The following COL11A2 variants were observed in gnomAD, a reference collection of about 807,000 sequenced individuals.
COL11A2 encodes collagen type XI alpha 2 chain.
In COL11A2, 116 loss-of-function variants were observed where a neutral mutation model predicts 273.4. The ratio of observed to expected loss-of-function variants is 0.42; its 90% CI spans 0.36 to 0.49. The LOEUF is 0.49. COL11A2 is among the 20% of genes least tolerant of loss of function. The pLI, the probability that COL11A2 is intolerant of heterozygous loss-of-function variation, is 0.00. For missense variants in COL11A2, 1,866 were observed against 2,309.0 expected, an observed-to-expected ratio of 0.81 and a Z score of 3.93; for synonymous variants, 782 against 864.2, an observed-to-expected ratio of 0.90 and a Z score of 1.67.
chr6:33,181,058 C>T (rs1474927256), intron 9 of COL11A2, 53 bp from the exon 10 acceptor site: 1 of 1,613,986 alleles, frequency 6.2e-7, no homozygotes, highest in African/African-American at 1.3e-5. Flanking sequence ...ACACTCAACC[C>T]CACTTGCTTC....
chr6:33,168,521 G>A lies in COL11A2; in HGVS notation c.3958C>T (p.Arg1320Ter), dbSNP rs1206475365. The A allele has an allele frequency of 1.2e-6, 2 of 1,613,340 alleles. No homozygotes were observed. Among genetic ancestry groups the A allele is most frequent in the Non-Finnish European group, 1.7e-6 (2 of 1,179,900 alleles). The change falls in exon 54 of 66, where the codon CGA becomes TGA. Residue 1320 changes from arginine to a stop codon, truncating the protein, a stop_gained and splice_region_variant. Transcript: ENST00000341947. LOFTEE classifies it high-confidence loss of function. ...TCTCAGGGGTCCACCTCACTTACTC[G>A]CTTTCCAAGTGGCCCTGGGGGTCCA... ...ENGPPGPLGK[R>*]GPAGSPGSEG...
Position 33,170,382 on chromosome 6 carries a change from G to T in COL11A2, c.3529-3C>A, listed in dbSNP as rs753183777. 6.2e-7 allele frequency: 1 copy of T among 1,612,918 alleles called. No individual in the cohort carries two copies. The highest frequency in any genetic ancestry group is 1.1e-5 in the South Asian group (1 of 91,026). ...GGTCCTGGGGGGCCAGGTGGTCCCT[G>T]GGGGAAACAGATACACCACAGATGA... is the stretch of plus-strand genomic sequence containing the variant. On this transcript the variant is annotated splice_polypyrimidine_tract_variant and splice_region_variant and intron_variant, in intron 47 of 65. Coordinates refer to ENST00000341947, the MANE Select transcript of COL11A2 (RefSeq NM_080680.3). This position sits in a 1 kb window ranked among gnomAD's most constrained non-coding sequence, Gnocchi z 4.3.
rs756376471 is a variant in COL11A2 at position 33,167,388 on chromosome 6, C to T, written c.4122+38G>A. 3 of 1,612,456 alleles carry T rather than the reference C, an allele frequency of 1.9e-6. No individual in the cohort carries two copies. Among genetic ancestry groups the T allele is most frequent in the Non-Finnish European group, 2.5e-6 (3 of 1,179,658 alleles). ...ACTGCACCCCTCCCATGGCCCCTCACTCCCACCCCAGCCCAGCCCTTCCCT... is the reference window on the plus strand; with the variant it reads ...ACTGCACCCCTCCCATGGCCCCTCATTCCCACCCCAGCCCAGCCCTTCCCT... On this transcript the variant is annotated intron_variant, in intron 56 of 65. Coordinates refer to ENST00000341947, the MANE Select transcript of COL11A2 (RefSeq NM_080680.3). This position sits in a 1 kb window ranked among gnomAD's most constrained non-coding sequence, Gnocchi z 6.1.
At chr6:33,168,349 G>A (rs1475073508) in intron 54 of COL11A2, among the ~76,000 whole-genome samples, 170 bp downstream of exon 54, 1 of 149,790 alleles carries the variant, frequency 6.7e-6, no homozygotes, top group African/African-American at 2.5e-5. Context: ...ACCCTGCCCC[G>A]GGCAATGAGA....
Position 33,181,149 on chromosome 6 carries a change from G to C in COL11A2, c.1141C>G (p.Leu381Val), listed in dbSNP as rs1365042894. 1.2e-6 allele frequency: 2 copies of C among 1,614,138 alleles called. No homozygotes were observed. The highest frequency in any genetic ancestry group is 4.5e-5 in the East Asian group (2 of 44,874). ...GCAGGCTCTCCTTTCTCTCCCTTCA[G>C]CCCTCGGGGTCCATGGGCAGCCTGA... Reference protein sequence around the residue: ...SGAAAHGPRGLKGEKGEPAVL... With the variant: ...SGAAAHGPRGVKGEKGEPAVL... Residue 381 changes from leucine (L) to valine (V), a missense_variant, in exon 9 of 66, where the codon CTG becomes GTG. Transcript: ENST00000341947.
At chr6:33,181,350 G>A (rs1205422791) in intron 8 of COL11A2, among the ~76,000 whole-genome samples, 180 bp from the exon 9 acceptor site, 1 of 144,372 alleles carries the variant, frequency 6.9e-6, no homozygotes, top group Non-Finnish European at 1.5e-5. Flanking sequence ...AGCCTGCCAA[G>A]GAGACCTCAG....
Position 33,170,364 on chromosome 6 carries a change from G to C in COL11A2, c.3544C>G (p.Pro1182Ala). The C allele has an allele frequency of 6.2e-6, 10 of 1,613,900 alleles. No individual in the cohort carries two copies. Among genetic ancestry groups the C allele is most frequent in the Non-Finnish European group, 8.5e-6 (10 of 1,179,932 alleles). Residue 1182 changes from proline (P) to alanine (A), a missense_variant, in exon 48 of 66, where the codon CCA becomes GCA. By Grantham distance (27) the Pro-to-Ala change is conservative. Coordinates refer to ENST00000341947, the MANE Select transcript of COL11A2 (RefSeq NM_080680.3). The surrounding 1 kb of genome is among the most constrained non-coding windows in gnomAD (Gnocchi z 4.3). Reference sequence around the variant, plus strand: ...GGTCCAGCTGGACCTCGAGGTCCTGGGGGGCCAGGTGGTCCCTGGGGGAAA... The same window carrying C: ...GGTCCAGCTGGACCTCGAGGTCCTGCGGGGCCAGGTGGTCCCTGGGGGAAA... ...DVGPMGPPGPPGPRGPAGPNG... is the reference protein window; with the variant it reads ...DVGPMGPPGPAGPRGPAGPNG...
chr6:33,179,801 C>A lies in COL11A2; in HGVS notation c.1364G>T (p.Arg455Leu), dbSNP rs781138300. Residue 455 changes from arginine to leucine, a missense_variant, in exon 13 of 66, where the codon CGG (arginine) becomes CTG (leucine). By Grantham distance (102) the Arg-to-Leu change is moderately radical. Coordinates refer to ENST00000341947, the MANE Select transcript of COL11A2 (RefSeq NM_080680.3). The surrounding 1 kb of genome is among the most constrained non-coding windows in gnomAD (Gnocchi z 6.4). ...PPGTSLMLPFRFGSGGGDKGP... is the reference protein window; with the variant it reads ...PPGTSLMLPFLFGSGGGDKGP... The stretch of plus-strand genomic sequence containing the variant: ...CTTGTCACCCCCACCACTGCCAAAC[C>A]GGAACTGAGGTCAAGGAGAGAAGGT... 3 of 1,611,184 alleles carry A rather than the reference C, an allele frequency of 1.9e-6. No individual in the cohort carries two copies. Among genetic ancestry groups the A allele is most frequent in the Admixed American group, 1.7e-5 (1 of 60,024 alleles).
Position 33,172,613 on chromosome 6 carries a change from T to C in COL11A2, c.2815A>G (p.Met939Val), listed in dbSNP as rs759148129. 1 of 1,612,444 alleles carries C rather than the reference T, an allele frequency of 6.2e-7. No homozygotes were observed. The highest frequency in any genetic ancestry group is 1.7e-5 in the Admixed American group (1 of 60,004). ...PQGAAGETGP[M>V]GERGHPGPPG... ...GGGCCTGGGTGACCTCTCTCCCCCATAGGGCCGGTTTCTCCTGCTGCTCCC... is the reference window on the plus strand; with the variant it reads ...GGGCCTGGGTGACCTCTCTCCCCCACAGGGCCGGTTTCTCCTGCTGCTCCC... Residue 939 changes from methionine (M) to valine (V), a missense_variant, in exon 39 of 66, where the codon ATG becomes GTG. By Grantham distance (21) the Met-to-Val change is conservative. Coordinates refer to ENST00000341947, the MANE Select transcript of COL11A2 (RefSeq NM_080680.3).
Position 33,163,571 on chromosome 6 carries a change from GGGC to G in COL11A2, c.*104_*106del. 1 of 1,574,956 alleles carries G rather than the reference GGGC, an allele frequency of 6.3e-7. No homozygotes were observed. Among genetic ancestry groups the G allele is most frequent in the Non-Finnish European group, 8.7e-7 (1 of 1,146,600 alleles). ...TGAGGGCTCTCCACGCCCTGGCCCA[GGGC>G]TCCCTAGATAGTGAGGAGCCCTCTT... On this transcript the variant is annotated 3_prime_UTR_variant, in exon 66 of 66. Coordinates refer to ENST00000341947, the MANE Select transcript of COL11A2 (RefSeq NM_080680.3). The surrounding 1 kb of genome is among the most constrained non-coding windows in gnomAD (Gnocchi z 4.1).
rs372479558 is a variant in COL11A2 at position 33,190,447 on chromosome 6, GA to G, written c.83-979del. On this transcript the variant is annotated intron_variant, in intron 1 of 65. Transcript: ENST00000341947. This position sits in a 1 kb window ranked among gnomAD's most constrained non-coding sequence, Gnocchi z 4.5. ...AGCTTCCTAGGGCTCAAACTCCCTG[GA>G]AAACAAAAGATCACCTTGCCCTCAC... Among the ~76,000 whole-genome samples the G allele has an allele frequency of 9.9e-5, 15 of 152,178 alleles. No homozygotes were observed. The East Asian group carries it at 2.7e-3, about 27-fold the overall frequency.
rs535280934 is a variant in COL11A2 at position 33,190,777 on chromosome 6, C to T, written c.83-1308G>A. On this transcript the variant is annotated intron_variant, in intron 1 of 65. Coordinates refer to ENST00000341947, the MANE Select transcript of COL11A2 (RefSeq NM_080680.3). This position sits in a 1 kb window ranked among gnomAD's most constrained non-coding sequence, Gnocchi z 4.5. ...TTTGAGAGACGAAGGGTGAGTGAGA[C>T]AGAGACACAGAGACTCACAGAGACC... 6.6e-6 allele frequency among the ~76,000 whole-genome samples: 1 copy of T among 152,110 alleles called. No homozygotes were observed. The highest frequency in any genetic ancestry group is 1.5e-5 in the Non-Finnish European group (1 of 68,014).
rs541037034 is a variant in COL11A2, at chr6:33,169,117, C to T, written c.3799-109G>A. ...TCTCTAGAGGCAGTGCCCACCAGTA[C>T]CCCCCAGGAAGAGGTCTCCTGCACC... On this transcript the variant is annotated intron_variant, in intron 51 of 65. Coordinates refer to ENST00000341947, the MANE Select transcript of COL11A2 (RefSeq NM_080680.3). The surrounding 1 kb of genome is among the most constrained non-coding windows in gnomAD (Gnocchi z 5.5). The T allele has an allele frequency of 5.1e-5, 56 of 1,102,070 alleles. No individual in the cohort carries two copies. Among genetic ancestry groups the T allele is most frequent in the Non-Finnish European group, 4.2e-5 (32 of 761,206 alleles). 68.3% of individuals were successfully genotyped at this position (1,102,070 alleles called of 1,614,324 possible).
chr6:33,177,386 G>A lies in COL11A2; in HGVS notation c.1971+26C>T. On this transcript the variant is annotated intron_variant, in intron 23 of 65. Transcript: ENST00000341947. The surrounding 1 kb of genome is among the most constrained non-coding windows in gnomAD (Gnocchi z 5.9). Reference sequence around the variant, plus strand: ...AGCCCAAGGGAAGTCATGAAAATTGGGGAACGGAGTAGGGGCACCGCTCAC... The same window carrying A: ...AGCCCAAGGGAAGTCATGAAAATTGAGGAACGGAGTAGGGGCACCGCTCAC... The A allele has an allele frequency of 6.2e-7, 1 of 1,612,552 alleles. No homozygotes were observed. Among genetic ancestry groups the A allele is most frequent in the Non-Finnish European group, 8.5e-7 (1 of 1,179,732 alleles).
chr6:33,166,461 G>T lies in COL11A2; in HGVS notation c.4392+52C>A. The stretch of plus-strand genomic sequence containing the variant: ...TGGAAGTCGTTGGGAGGCTGTGGGT[G>T]GGCAGCAGAGGGGTTTAGGGGATTT... On this transcript the variant is annotated intron_variant, in intron 60 of 65. Transcript: ENST00000341947. This position sits in a 1 kb window ranked among gnomAD's most constrained non-coding sequence, Gnocchi z 4.8. 1.9e-6 allele frequency: 3 copies of T among 1,581,992 alleles called. No individual in the cohort carries two copies. The highest frequency in any genetic ancestry group is 1.3e-5 in the African/African-American group (1 of 74,430).
rs1415102799 is a variant in COL11A2 at position 33,164,119 on chromosome 6, C to G, written c.5070+148G>C. ...CCATCCTTTCCACCTTCCTCACCGG[C>G]TTTTGAGCTCCCTCAGGCATCCCTG... On this transcript the variant is annotated intron_variant, in intron 65 of 65. Coordinates refer to ENST00000341947, the MANE Select transcript of COL11A2 (RefSeq NM_080680.3). This position sits in a 1 kb window ranked among gnomAD's most constrained non-coding sequence, Gnocchi z 4.7. 2 of 1,024,814 alleles carry G rather than the reference C, an allele frequency of 2.0e-6. No homozygotes were observed. The highest frequency in any genetic ancestry group is 3.2e-5 in the African/African-American group (2 of 62,228). The allele number at this position is 1,024,814 out of a possible 1,614,324, so 63.5% of individuals were successfully genotyped here.
At position 33,177,057 on chromosome 6, in the gene COL11A2, C is replaced by T; in HGVS notation, c.2017-12G>A. 1 of 1,612,504 alleles carries T rather than the reference C, an allele frequency of 6.2e-7. No homozygotes were observed. The highest frequency in any genetic ancestry group is 8.5e-7 in the Non-Finnish European group (1 of 1,179,818). ...TTCCCTTGAGGACCCTGCAGGAAGA[C>T]AAAGAGGCTCAGGGTCACTAGAGGG... On this transcript the variant is annotated splice_polypyrimidine_tract_variant and intron_variant, in intron 24 of 65. Transcript: ENST00000341947. This position sits in a 1 kb window ranked among gnomAD's most constrained non-coding sequence, Gnocchi z 5.9.
chr6:33,178,656 C>T lies in COL11A2; in HGVS notation c.1719+23G>A. ...ATAGAAGATCTATCCCCAATTACAA[C>T]ACACACCCACTAATGTACTCACCCT... On this transcript the variant is annotated intron_variant, in intron 18 of 65. Coordinates refer to ENST00000341947, the MANE Select transcript of COL11A2 (RefSeq NM_080680.3). The surrounding 1 kb of genome is among the most constrained non-coding windows in gnomAD (Gnocchi z 4.6). 1.2e-6 allele frequency: 2 copies of T among 1,612,574 alleles called. No homozygotes were observed. The highest frequency in any genetic ancestry group is 1.7e-6 in the Non-Finnish European group (2 of 1,179,736).
At position 33,167,608 on chromosome 6, in the gene COL11A2, GGGAGGCA is replaced by G. The variant is rs1769355588; in HGVS notation, c.4015-82_4015-76del. On this transcript the variant is annotated intron_variant, in intron 55 of 65. Transcript: ENST00000341947. This position sits in a 1 kb window ranked among gnomAD's most constrained non-coding sequence, Gnocchi z 6.1. ...GGGCAGGGGGCAGAGGGTCCAAGGT[GGGAGGCA>G]GGAGGCAGGGAGGAAGGGCCAAACT... 12 of 1,548,538 alleles carry G rather than the reference GGGAGGCA, an allele frequency of 7.7e-6. No individual in the cohort carries two copies. The highest frequency in any genetic ancestry group is 1.1e-5 in the Non-Finnish European group (12 of 1,128,296).
Sources: gnomAD v4.1 joint callset for allele counts (sites outside exome capture counted in the v4.1 genomes callset) on GRCh38, gnomAD v4.1.1 for gene constraint, Gnocchi (gnomAD v3.1) non-coding constraint, MANE v1.5 for transcripts, NCBI Gene and HGNC (gene_info 2026-07-23, HGNC 2026-07-21) for gene names.